GDI2: variants seen among roughly 807,000 people sequenced by gnomAD.
GDI2 encodes the protein rab GDP dissociation inhibitor beta.
In GDI2, 22 loss-of-function variants were observed where a neutral mutation model predicts 54.2. That is an observed-to-expected ratio of 0.41 (90% confidence interval 0.29 to 0.58). The LOEUF (loss-of-function observed/expected upper bound fraction) is 0.58. GDI2 is among the 20% of genes least tolerant of loss of function. GDI2 has a pLI of 0.35. For synonymous variants in GDI2, 177 were observed against 182.1 expected (o/e 0.97, Z 0.23); for missense variants, 422 against 546.0 (o/e 0.77, Z 2.26).
At chr10:5,801,907 A>G (rs555964774) in intron 1 of GDI2, among the ~76,000 whole-genome samples, 125 of 151,206 alleles carry the variant, frequency 8.3e-4, no homozygotes, top group Admixed American at 1.8e-3. Context: ...GCAACTCAGG[A>G]GGCTGAGGCA....
chr10:5,787,285 G>A (rs533164187), intron 4 of GDI2, among the ~76,000 whole-genome samples: 19 of 152,242 alleles, frequency 1.2e-4, no homozygotes, highest in South Asian at 1.0e-3. Flanking sequence ...AGGGTGGATC[G>A]CTTGAGGTCA....
chr10:5,800,396 T>TA (rs1254021987), intron 2 of GDI2, among the ~76,000 whole-genome samples: 17 of 152,220 alleles, frequency 1.1e-4, no homozygotes. Flanking sequence ...CTGTTAATGC[T>TA]AAGAGATAAC....
Position 5,800,616 on chromosome 10 carries a change from A to G in GDI2, c.135T>C (p.Ser45=). ...RNPYYGGESA[S]ITPLEDLYKR... is the part of the protein sequence containing the mutation. The stretch of plus-strand genomic sequence containing the variant: ...CACTTACATCTTCCAATGGTGTTAT[A>G]GATGCACTCTCTCCTCCGTAGTAAG... Residue 45 remains serine (S), a synonymous_variant, in exon 2 of 11, where the codon TCT becomes TCC. Transcript: ENST00000380191. 6.4e-7 allele frequency: 1 copy of G among 1,552,626 alleles called. No individual in the cohort carries two copies. The highest frequency in any genetic ancestry group is 8.9e-7 in the Non-Finnish European group (1 of 1,123,712).
chr10:5,808,927 ACT>A (rs994403675), intron 1 of GDI2, among the ~76,000 whole-genome samples: 26 of 151,802 alleles, frequency 1.7e-4, no homozygotes, highest in African/African-American at 5.8e-4. Flanking sequence ...TCTTTAAATG[ACT>A]CTGCCCCTCT....
rs1840575331 is a variant in GDI2 at position 5,774,604 on chromosome 10, C to T, written c.720-663G>A. ...GCTCTGCATCCATAGCTTATCCCTC[C>T]TCGCTCACCCTGATGGATGGCTCTT... is the stretch of plus-strand genomic sequence containing the variant. On this transcript the variant is annotated intron_variant, in intron 6 of 10. Coordinates refer to ENST00000380191, the MANE Select transcript of GDI2 (RefSeq NM_001494.4). This position sits in a 1 kb window ranked among gnomAD's most constrained non-coding sequence, Gnocchi z 4.8. Among the ~76,000 whole-genome samples, 1 of 152,160 alleles carries T rather than the reference C, an allele frequency of 6.6e-6. No homozygotes were observed. The highest frequency in any genetic ancestry group is 1.5e-5 in the Non-Finnish European group (1 of 68,036).
rs569003646 is a variant in GDI2, at chr10:5,780,369, G to C, written c.719+4773C>G. Among the ~76,000 whole-genome samples, 3 of 149,808 alleles carry C rather than the reference G, an allele frequency of 2.0e-5. No homozygotes were observed. The East Asian group carries it at 5.8e-4, about 29-fold the overall frequency. The stretch of plus-strand genomic sequence containing the variant: ...GATTCCCCGTAAAACTGGGAACAAA[G>C]CAAGGACGTCCATTCTCATCCCTGC... On this transcript the variant is annotated intron_variant, in intron 6 of 10. Coordinates refer to ENST00000380191, the MANE Select transcript of GDI2 (RefSeq NM_001494.4).
intron 2 of GDI2, 82 bp downstream of exon 2, chr10:5,800,516 C>A: frequency 1.3e-6 from 1 of 769,374 alleles, no homozygotes; most frequent in Non-Finnish European, 2.4e-6. Flanking sequence ...AAATTAAGAC[C>A]ATCTCTAAGG....
intron 6 of GDI2, among the ~76,000 whole-genome samples, chr10:5,779,598 A>G (rs553027856): frequency 4.6e-5 from 7 of 151,914 alleles, no homozygotes; most frequent in African/African-American, 7.2e-5. Flanking sequence ...TTAACAGCCT[A>G]TTGAAAATAG....
intron 4 of GDI2, among the ~76,000 whole-genome samples, chr10:5,789,579 G>C (rs766403701): frequency 3.9e-5 from 6 of 152,106 alleles, no homozygotes; most frequent in Admixed American, 3.9e-4. Flanking sequence ...ACAGCAACAT[G>C]CCCAGCAGAT....
At chr10:5,813,036 C>G (rs1841510254) in intron 1 of GDI2, among the ~76,000 whole-genome samples, 178 bp downstream of exon 1, 1 of 152,152 alleles carries the variant, frequency 6.6e-6, no homozygotes, top group African/African-American at 2.4e-5. Flanking sequence ...CGCCCGCTCG[C>G]CCCGGGACGC....
chr10:5,782,033 T>C (rs936531901), intron 6 of GDI2, among the ~76,000 whole-genome samples: 2 of 152,108 alleles, frequency 1.3e-5, no homozygotes, highest in African/African-American at 2.4e-5. Flanking sequence ...TTAACACTTA[T>C]GCTTATCAAA....
intron 4 of GDI2, among the ~76,000 whole-genome samples, chr10:5,788,348 C>G (rs1334091972): frequency 6.6e-6 from 1 of 152,170 alleles, no homozygotes; most frequent in Non-Finnish European, 1.5e-5. Flanking sequence ...ATGCTGATGC[C>G]TTCCCAGATC....
chr10:5,802,385 G>T (rs981680181), intron 1 of GDI2, among the ~76,000 whole-genome samples: 9 of 152,078 alleles, frequency 5.9e-5, no homozygotes, highest in African/African-American at 2.2e-4. Context: ...TGGATCACAA[G>T]GTCAGGAGAT....
At position 5,766,762 on chromosome 10, in the gene GDI2, C is replaced by A. The variant is rs1840345785; in HGVS notation, c.992-124G>T. The A allele has an allele frequency of 1.5e-6, 1 of 674,850 alleles. No homozygotes were observed. The highest frequency in any genetic ancestry group is 2.6e-5 in the East Asian group (1 of 38,960). 41.8% of individuals were successfully genotyped at this position (674,850 alleles called of 1,614,324 possible). ...TACTCTCAATAGGCAAGATCTTCTACACTTAAGTTCTAAATGGTGACAGAG... is the reference window on the plus strand; with the variant it reads ...TACTCTCAATAGGCAAGATCTTCTAAACTTAAGTTCTAAATGGTGACAGAG... On this transcript the variant is annotated intron_variant, in intron 8 of 10. Transcript: ENST00000380191. This position sits in a 1 kb window ranked among gnomAD's most constrained non-coding sequence, Gnocchi z 5.8.
At position 5,803,183 on chromosome 10, in the gene GDI2, AT is replaced by A. The variant is rs543227052; in HGVS notation, c.46-2479del. On this transcript the variant is annotated intron_variant, in intron 1 of 10. Transcript: ENST00000380191. ...TTCTCACAATTTTGTTTTAGAAAAT[AT>A]ACTCAGGCAGATGGCTTAAGCCCAG... 3.6e-3 allele frequency among the ~76,000 whole-genome samples: 546 copies of A among 152,330 alleles called. 3 individuals carry two copies. Among genetic ancestry groups the A allele is most frequent in the African/African-American group, 0.012 (519 of 41,582 alleles).
chr10:5,770,962 T>A (rs1429184634), intron 7 of GDI2, among the ~76,000 whole-genome samples: 11 of 25,848 alleles, frequency 4.3e-4, no homozygotes, highest in East Asian at 2.4e-3. Context: ...TGAGACTGTC[T>A]CAAAAAAAAA....
intron 2 of GDI2, among the ~76,000 whole-genome samples, chr10:5,798,284 GTATT>G (rs1437733147): frequency 2.6e-5 from 4 of 152,164 alleles, no homozygotes; most frequent in African/African-American, 9.7e-5. Context: ...AAATTAGTAA[GTATT>G]TATTCAATAA....
rs139137574 is a variant in GDI2 at position 5,792,486 on chromosome 10, T to C, written c.388+2399A>G. ...CACCTCTCCACCTTTCCTTACCCCA[T>C]TCCTTCATTCTGCCTAGAATTTTCT... On this transcript the variant is annotated intron_variant, in intron 4 of 10. Coordinates refer to ENST00000380191, the MANE Select transcript of GDI2 (RefSeq NM_001494.4). Among the ~76,000 whole-genome samples the C allele has an allele frequency of 5.7e-4, 87 of 152,310 alleles. No individual in the cohort carries two copies. In the Middle Eastern group the frequency reaches 0.027, roughly 48 times the overall value.
At chr10:5,806,427 C>T (rs181568448) in intron 1 of GDI2, among the ~76,000 whole-genome samples, 3 of 149,956 alleles carry the variant, frequency 2.0e-5, no homozygotes, top group African/African-American at 4.9e-5. Flanking sequence ...AACAAAAAAA[C>T]GTTTACTGAT....
Sources: gnomAD v4.1 joint callset for allele counts (sites outside exome capture counted in the v4.1 genomes callset) on GRCh38, gnomAD v4.1.1 for gene constraint, Gnocchi (gnomAD v3.1) non-coding constraint, MANE v1.5 for transcripts, NCBI Gene and HGNC (gene_info 2026-07-23, HGNC 2026-07-21) for gene names.